REPS1: variants seen among roughly 807,000 people sequenced by gnomAD.
REPS1 encodes RALBP1 associated Eps domain containing 1.
REPS1 carries 39 observed loss-of-function variants against 100.9 expected under a neutral mutation model. That is an observed-to-expected ratio of 0.39 (90% CI 0.30 to 0.50). The LOEUF (loss-of-function observed/expected upper bound fraction) is 0.50, where lower values mean the gene tolerates loss of function less well. Ranked by LOEUF, REPS1 falls within the 20% of genes least tolerant of loss-of-function variation. The pLI is 0.86. For missense variants in REPS1, 821 were observed against 968.5 expected (o/e 0.85, Z 2.02); for synonymous variants, 324 against 340.3 (o/e 0.95, Z 0.53).
chr6:138,943,419 G>A, intron 7 of REPS1, 94 bp downstream of exon 7: 1 of 701,088 alleles, frequency 1.4e-6, no homozygotes, highest in Non-Finnish European at 2.5e-6. Context: ...TTCTTGAAGG[G>A]GTTAGTTGTT....
At chr6:138,985,531 C>A (rs1439247010) in intron 1 of REPS1, among the ~76,000 whole-genome samples, 1 of 152,204 alleles carries the variant, frequency 6.6e-6, no homozygotes, top group Non-Finnish European at 1.5e-5. Flanking sequence ...GAATTAAGCA[C>A]ATATTCTCCT....
intron 1 of REPS1, among the ~76,000 whole-genome samples, chr6:138,957,251 A>G (rs1403396378): frequency 2.0e-5 from 3 of 152,208 alleles, no homozygotes; most frequent in African/African-American, 7.2e-5. Flanking sequence ...GCAAGGAGAA[A>G]ACAAAGATCC....
chr6:138,907,846 A>G (rs1391187345), intron 18 of REPS1, among the ~76,000 whole-genome samples: 3 of 152,168 alleles, frequency 2.0e-5, no homozygotes, highest in African/African-American at 7.2e-5. Context: ...GAATTTAAGT[A>G]AAAGAGTCTA....
At chr6:138,962,708 T>C (rs1044627217) in intron 1 of REPS1, among the ~76,000 whole-genome samples, 4 of 152,180 alleles carry the variant, frequency 2.6e-5, no homozygotes, top group Admixed American at 2.6e-4. Context: ...TCACCTTAAA[T>C]GTCATGCTTT....
At chr6:138,930,878 A>T (rs1781444213) in intron 8 of REPS1, among the ~76,000 whole-genome samples, 1 of 152,226 alleles carries the variant, frequency 6.6e-6, no homozygotes, top group Non-Finnish European at 1.5e-5. Flanking sequence ...CAAATCCATT[A>T]TACTATTTCA....
In REPS1 at chr6:138,916,218, CTTTTT is replaced by C. The variant is rs10582137; in HGVS notation, c.1602-247_1602-243del. 954 of 206,588 alleles carry C rather than the reference CTTTTT, an allele frequency of 4.6e-3. 1 individual carries two copies. Among genetic ancestry groups the C allele is most frequent in the East Asian group, 0.016 (88 of 5,514 alleles). 12.8% of individuals were successfully genotyped at this position (206,588 alleles called of 1,614,324 possible). ...GTTATTAAGCAAAATTTCTTTTTTT[CTTTTT>C]TTTTTTTTTTTTTTTTTGAGACAGT... On this transcript the variant is annotated intron_variant, in intron 13 of 19. Transcript: ENST00000450536.
At chr6:138,937,096 G>A (rs975849704) in intron 8 of REPS1, among the ~76,000 whole-genome samples, 3 of 148,964 alleles carry the variant, frequency 2.0e-5, no homozygotes, top group Non-Finnish European at 4.4e-5. Flanking sequence ...GGCAAAGAGA[G>A]AGCTTGTGCA....
Position 138,905,098 on chromosome 6 carries a change from T to C in REPS1, c.2357A>G (p.Gln786Arg), listed in dbSNP as rs771519755. The C allele has an allele frequency of 4.3e-6, 7 of 1,613,832 alleles. No individual in the cohort carries two copies. In the Admixed American group the frequency reaches 6.7e-5, roughly 15 times the overall value. Residue 786 changes from glutamine (Q) to arginine (R), a missense_variant, in exon 20 of 20, where the codon CAA becomes CGA. Physicochemically the swap from Gln to Arg is conservative, Grantham distance 43 (BLOSUM62 1). Transcript: ENST00000450536. ...VLEERISLEV[Q>R]LEQLRPFSHL is the part of the protein sequence containing the mutation. ...AGAGAATGGTCGAAGTTGTTCCAGT[T>C]GAACTTCCAGGGAAATTCTCTCCTC...
At position 138,914,709 on chromosome 6, in the gene REPS1, TG is replaced by T. The variant is rs1232075592; in HGVS notation, c.1772del (p.Pro591HisfsTer21). 1 of 1,613,666 alleles carries T rather than the reference TG, an allele frequency of 6.2e-7. No individual in the cohort carries two copies. ...VAHPPAVPPR[P>X]QPSQAPGPAV... is the part of the protein sequence containing the mutation. The stretch of plus-strand genomic sequence containing the variant: ...CTTGGAGAATTACCTGTGAGGGCTG[TG>T]GTCTTGGAGGCACTGCAGGAGGATG... On this transcript the variant is annotated frameshift_variant, in exon 15 of 20. Coordinates refer to ENST00000450536, the MANE Select transcript of REPS1 (RefSeq NM_001286611.2).
At chr6:138,922,677 G>A (rs917010256) in intron 10 of REPS1, among the ~76,000 whole-genome samples, 4 of 152,136 alleles carry the variant, frequency 2.6e-5, no homozygotes, top group South Asian at 2.1e-4. Flanking sequence ...CATCACCAAG[G>A]GGGCCCAGCT....
intron 1 of REPS1, among the ~76,000 whole-genome samples, chr6:138,959,694 T>C: frequency 6.6e-6 from 1 of 152,222 alleles, no homozygotes; most frequent in East Asian, 1.9e-4. Flanking sequence ...ATTGTTCTAC[T>C]AACTTGTTAG....
chr6:138,915,068 T>A, intron 14 of REPS1: 1 of 291,160 alleles, frequency 3.4e-6, no homozygotes, highest in Non-Finnish European at 6.3e-6. Flanking sequence ...TGTTTAGGTA[T>A]CAAATGAAAA....
chr6:138,943,744 A>T lies in REPS1; in HGVS notation c.916+109T>A, dbSNP rs1165663091. On this transcript the variant is annotated intron_variant, in intron 6 of 19. Coordinates refer to ENST00000450536, the MANE Select transcript of REPS1 (RefSeq NM_001286611.2). ...AAATTCTTTTTAGACAAATAATCTG[A>T]TAATTATTTTATAATTAAAATCTAT... 1.2e-5 allele frequency: 13 copies of T among 1,085,664 alleles called. No individual in the cohort carries two copies. In the African/African-American group the frequency reaches 1.4e-4, roughly 12 times the overall value. The allele number at this position is 1,085,664 out of a possible 1,614,324, so 67.3% of individuals were successfully genotyped here. A position where few individuals can be genotyped will look rare whatever the true frequency, so the allele number is the denominator to read the frequency against.
At chr6:138,913,050 C>T (rs1780117111) in intron 15 of REPS1, 100 bp from the exon 16 acceptor site, 1 of 891,514 alleles carries the variant, frequency 1.1e-6, no homozygotes. Flanking sequence ...ATAAAGATGA[C>T]CTGTTTTATT....
intron 1 of REPS1, among the ~76,000 whole-genome samples, chr6:138,969,513 T>C (rs1222810393): frequency 6.7e-6 from 1 of 149,668 alleles, no homozygotes; most frequent in African/African-American, 2.5e-5. Context: ...GGTCTCAAAC[T>C]CCTGGGCTCA....
At chr6:138,905,385 G>A (rs1306055453) in intron 19 of REPS1, among the ~76,000 whole-genome samples, 1 of 151,942 alleles carries the variant, frequency 6.6e-6, no homozygotes, top group Non-Finnish European at 1.5e-5. Flanking sequence ...TCCGCTTCCC[G>A]GGTTCACGCC....
intron 8 of REPS1, chr6:138,934,391 A>G: frequency 2.1e-6 from 1 of 466,824 alleles, no homozygotes; most frequent in South Asian, 1.6e-5. Flanking sequence ...CTGTTACGCA[A>G]AAAGTATTTC....
At chr6:138,943,662 T>A in intron 6 of REPS1, 86 bp from the exon 7 acceptor site, 11 of 1,112,790 alleles carry the variant, frequency 9.9e-6, no homozygotes, top group Admixed American at 2.6e-5. Flanking sequence ...CTTTTTTAAC[T>A]GGGAAAAGAT....
At position 138,912,817 on chromosome 6, in the gene REPS1, T is replaced by G; in HGVS notation, c.1919A>C (p.Asn640Thr). Residue 640 changes from asparagine (N) to threonine (T), a missense_variant, in exon 16 of 20, where the codon AAT (asparagine) becomes ACT (threonine). Transcript: ENST00000450536. ...FSQFEVFAAS[N>T]VNDEQDDEAE... Reference sequence around the variant, plus strand: ...TTCATCATCTTGTTCGTCGTTTACATTTGATGCAGCAAATACTTCAAACTG... The same window carrying G: ...TTCATCATCTTGTTCGTCGTTTACAGTTGATGCAGCAAATACTTCAAACTG... The G allele has an allele frequency of 6.2e-7, 1 of 1,614,170 alleles. No individual in the cohort carries two copies. Among genetic ancestry groups the G allele is most frequent in the South Asian group, 1.1e-5 (1 of 91,080 alleles).
Sources: allele counts gnomAD v4.1 joint callset (sites outside exome capture counted in the v4.1 genomes callset), GRCh38; gene constraint gnomAD v4.1.1; transcripts MANE v1.5; gene names NCBI Gene and HGNC (gene_info 2026-07-23, HGNC 2026-07-21).